SMARCA5: variants seen among roughly 807,000 people sequenced by gnomAD.
SMARCA5 encodes SWI/SNF-related matrix-associated actin-dependent regulator of chromatin subfamily A member 5.
SMARCA5 carries 18 observed loss-of-function variants against 140.4 expected under a neutral mutation model. That is an observed-to-expected ratio of 0.13 (90% CI 0.09 to 0.19). The LOEUF (loss-of-function observed/expected upper bound fraction) is 0.19, where lower values mean the gene tolerates loss of function less well. Ranked by LOEUF, SMARCA5 falls within the 10% of genes least tolerant of loss-of-function variation. The pLI, the probability that SMARCA5 is intolerant of heterozygous loss-of-function variation, is 1.00. For missense variants in SMARCA5, 606 were observed against 1,276.8 expected, an observed-to-expected ratio of 0.47 and a Z score of 8.01; for synonymous variants, 449 against 419.6, an observed-to-expected ratio of 1.07 and a Z score of -0.86.
chr4:143,528,536 G>A (rs1341203767), intron 7 of SMARCA5, 47 bp from the exon 8 acceptor site: 2 of 1,560,830 alleles, frequency 1.3e-6, no homozygotes, highest in Admixed American at 1.8e-5. Context: ...TGTAGATAAT[G>A]CAATATGCAG....
At chr4:143,536,274 G>A (rs147791168) in intron 10 of SMARCA5, among the ~76,000 whole-genome samples, 178 bp from the exon 11 acceptor site, 278 of 152,158 alleles carry the variant, frequency 1.8e-3, no homozygotes, top group Admixed American at 0.017. Context: ...GGACAGTAAA[G>A]AAAAATGGAA....
Position 143,525,433 on chromosome 4 carries a change from C to G in SMARCA5, c.521-18C>G, listed in dbSNP as rs775825466. 6 of 1,514,764 alleles carry G rather than the reference C, an allele frequency of 4.0e-6. No homozygotes were observed. The South Asian group carries it at 5.6e-5, about 14-fold the overall frequency. The allele number at this position is 1,514,764 out of a possible 1,614,324, so 93.8% of individuals were successfully genotyped here. ...TTCTTGTCTTAAAATGCCTATTGTG[C>G]TTTTCTTTTGTTCTTAGATGTAAAA... is the stretch of plus-strand genomic sequence containing the variant. On this transcript the variant is annotated intron_variant, in intron 4 of 23. Coordinates refer to ENST00000283131, the MANE Select transcript of SMARCA5 (RefSeq NM_003601.4).
At chr4:143,541,496 T>C (rs1370569768) in intron 14 of SMARCA5, among the ~76,000 whole-genome samples, 7 of 152,190 alleles carry the variant, frequency 4.6e-5, no homozygotes, top group African/African-American at 1.7e-4. Context: ...TTTTTACAAA[T>C]CGTTTCCCTT....
At chr4:143,545,049 TCTC>T (rs2149824307) in intron 17 of SMARCA5, among the ~76,000 whole-genome samples, 1 of 151,402 alleles carries the variant, frequency 6.6e-6, no homozygotes, top group South Asian at 2.1e-4. Context: ...TTCAAGCAAT[TCTC>T]CTGCCTCACC....
intron 14 of SMARCA5, among the ~76,000 whole-genome samples, chr4:143,543,141 T>G (rs1367615157): frequency 6.6e-6 from 1 of 152,200 alleles, no homozygotes; most frequent in Non-Finnish European, 1.5e-5. Context: ...TTGGGGAGTA[T>G]TAGTTAATAA....
chr4:143,537,809 T>C (rs935984367), intron 11 of SMARCA5, among the ~76,000 whole-genome samples: 14 of 151,730 alleles, frequency 9.2e-5, no homozygotes, highest in African/African-American at 3.2e-4. Context: ...TCCCAGTTAT[T>C]TGGAAGGCTG....
chr4:143,538,627 A>ATTGG lies in SMARCA5; in HGVS notation c.1534_1537dup (p.Asp513ValfsTer14). 1 of 1,611,088 alleles carries ATTGG rather than the reference A, an allele frequency of 6.2e-7. No homozygotes were observed. Among genetic ancestry groups the ATTGG allele is most frequent in the Non-Finnish European group, 8.5e-7 (1 of 1,177,256 alleles). The stretch of plus-strand genomic sequence containing the variant: ...TAATCTTCAGTCAAATGACAAGGGT[A>ATTGG]TTGGACATTTTGGAAGATTATTGCA... On this transcript the variant is annotated frameshift_variant, in exon 12 of 24. Coordinates refer to ENST00000283131, the MANE Select transcript of SMARCA5 (RefSeq NM_003601.4). LOFTEE classifies it high-confidence loss of function.
intron 8 of SMARCA5, among the ~76,000 whole-genome samples, chr4:143,529,200 G>A (rs544859218): frequency 7.2e-5 from 11 of 152,272 alleles, no homozygotes; most frequent in African/African-American, 2.4e-4. Flanking sequence ...CTCCCAAAGT[G>A]CTGGGATTAC....
intron 18 of SMARCA5, 35 bp downstream of exon 18, chr4:143,545,618 A>G: frequency 1.6e-6 from 2 of 1,241,266 alleles, no homozygotes; most frequent in Non-Finnish European, 2.3e-6. Context: ...GTTCATTCCT[A>G]TCCAGAAATT....
chr4:143,544,526 A>C (rs550232480), intron 16 of SMARCA5, among the ~76,000 whole-genome samples: 244 of 152,318 alleles, frequency 1.6e-3, no homozygotes, highest in African/African-American at 5.6e-3. Flanking sequence ...TCCTTTAAGC[A>C]AGAAATACTG....
intron 4 of SMARCA5, 59 bp from the exon 5 acceptor site, chr4:143,525,392 A>G (rs1196163699): frequency 1.0e-6 from 1 of 1,002,412 alleles, no homozygotes; most frequent in Non-Finnish European, 1.6e-6. Context: ...GCTTAGATGA[A>G]GAGATTGCCT....
intron 4 of SMARCA5, 143 bp downstream of exon 4, chr4:143,524,610 A>G: frequency 1.7e-6 from 1 of 593,898 alleles, no homozygotes; most frequent in South Asian, 2.2e-5. Context: ...TAAACTTCAG[A>G]TTTTGATGGA....
chr4:143,531,930 C>T (rs7664312), intron 9 of SMARCA5, among the ~76,000 whole-genome samples: 81,477 of 151,998 alleles, frequency 0.54, 22,169 homozygotes, highest in Middle Eastern at 0.64. Flanking sequence ...CTGTGTATTC[C>T]ATCTTTAACA....
Position 143,553,308 on chromosome 4 carries a change from A to C in SMARCA5, c.*124A>C, listed in dbSNP as rs1737682445. The stretch of plus-strand genomic sequence containing the variant: ...TTAAAGACATCAGGTTCATCTGTTT[A>C]CTGAGCTAGAAACATAGTATGTAGT... On this transcript the variant is annotated 3_prime_UTR_variant, in exon 24 of 24. Transcript: ENST00000283131. The C allele has an allele frequency of 2.9e-6, 2 of 685,524 alleles. No individual in the cohort carries two copies. Among genetic ancestry groups the C allele is most frequent in the Admixed American group, 4.8e-5 (2 of 41,608 alleles). 42.5% of individuals were successfully genotyped at this position (685,524 alleles called of 1,614,324 possible).
intron 20 of SMARCA5, 51 bp from the exon 21 acceptor site, chr4:143,547,334 T>A: frequency 1.0e-6 from 1 of 970,808 alleles, no homozygotes; most frequent in Non-Finnish European, 1.6e-6. Context: ...TTTTTTTACA[T>A]TAAAGAAATA....
chr4:143,544,734 T>G lies in SMARCA5; in HGVS notation c.2173-3T>G. The stretch of plus-strand genomic sequence containing the variant: ...GTGATTTGAGTTGTTTCCCATGTGC[T>G]AGATTGCATTCACAGAGTGGATTGA... On this transcript the variant is annotated splice_region_variant and splice_polypyrimidine_tract_variant and intron_variant, in intron 16 of 23. Coordinates refer to ENST00000283131, the MANE Select transcript of SMARCA5 (RefSeq NM_003601.4). 1 of 1,555,452 alleles carries G rather than the reference T, an allele frequency of 6.4e-7. No homozygotes were observed. The highest frequency in any genetic ancestry group is 1.1e-5 in the South Asian group (1 of 87,460).
At position 143,555,676 on chromosome 4, in the gene SMARCA5, G is replaced by T. The variant is rs902262722; in HGVS notation, c.*2492G>T. On this transcript the variant is annotated 3_prime_UTR_variant, in exon 24 of 24. Coordinates refer to ENST00000283131, the MANE Select transcript of SMARCA5 (RefSeq NM_003601.4). Reference sequence around the variant, plus strand: ...ATTATTACTACTTTTAAGAGACAGGGTCTTGCTCTGTCACCCAGGCTGGAG... The same window carrying T: ...ATTATTACTACTTTTAAGAGACAGGTTCTTGCTCTGTCACCCAGGCTGGAG... 4.6e-6 allele frequency: 1 copy of T among 217,212 alleles called. No homozygotes were observed. The highest frequency in any genetic ancestry group is 9.1e-6 in the Non-Finnish European group (1 of 109,378). The allele number at this position is 217,212 out of a possible 1,614,324, so 13.5% of individuals were successfully genotyped here.
chr4:143,514,636 G>A (rs1252508999), intron 1 of SMARCA5: 6 of 152,712 alleles, frequency 3.9e-5, no homozygotes, highest in African/African-American at 1.4e-4. Flanking sequence ...GGCGAGAGCT[G>A]GATGGCCGAG....
chr4:143,526,861 TA>T lies in SMARCA5; in HGVS notation c.801+413del, dbSNP rs913089781. On this transcript the variant is annotated intron_variant, in intron 6 of 23. Coordinates refer to ENST00000283131, the MANE Select transcript of SMARCA5 (RefSeq NM_003601.4). ...CCTGGGCAACAAAGCAAGACCATCT[TA>T]AAAAAAAAAAATCATACTGGGAAGA... 5.0e-3 allele frequency among the ~76,000 whole-genome samples: 733 copies of T among 145,316 alleles called. 11 individuals are homozygous for T. Among genetic ancestry groups the T allele is most frequent in the African/African-American group, 0.016 (649 of 39,892 alleles).
Sources: gnomAD v4.1 joint callset for allele counts (sites outside exome capture counted in the v4.1 genomes callset) on GRCh38, gnomAD v4.1.1 for gene constraint, MANE v1.5 for transcripts, NCBI Gene and HGNC (gene_info 2026-07-23, HGNC 2026-07-21) for gene names.